Variants in AUTS2 observed in about 807,000 individuals in gnomAD.
The protein encoded by AUTS2 is autism susceptibility gene 2 protein.
Under a neutral mutation model 112.4 loss-of-function variants are expected in AUTS2, and 17 were observed. That is an observed-to-expected ratio of 0.15 (90% confidence interval 0.10 to 0.23). The LOEUF (loss-of-function observed/expected upper bound fraction) is 0.23. Ranked by LOEUF, AUTS2 falls within the 10% of genes least tolerant of loss-of-function variation. The pLI, the probability that AUTS2 is intolerant of heterozygous loss-of-function variation, is 1.00. For missense variants in AUTS2, 1,510 were observed against 1,701.6 expected (o/e 0.89, Z 1.98); for synonymous variants, 751 against 702.7 (o/e 1.07, Z -1.09).
chr7:70,276,798 A>T (rs1339791710), intron 4 of AUTS2, among the ~76,000 whole-genome samples: 1 of 152,136 alleles, frequency 6.6e-6, no homozygotes, highest in East Asian at 1.9e-4. Flanking sequence ...AGCCCCCAAA[A>T]ATCCTTATGA....
At chr7:70,011,923 C>T (rs1302194000) in intron 2 of AUTS2, among the ~76,000 whole-genome samples, 1 of 152,044 alleles carries the variant, frequency 6.6e-6, no homozygotes, top group African/African-American at 2.4e-5. Context: ...CTGGGAGCCT[C>T]CTACACAGTG....
intron 15 of AUTS2, 89 bp downstream of exon 15, chr7:70,781,845 T>C: frequency 6.6e-7 from 1 of 1,510,632 alleles, no homozygotes; most frequent in Non-Finnish European, 8.9e-7. Context: ...GAGCTGCCGC[T>C]CAGTCACCAC....
chr7:70,177,074 C>T (rs1003421683), intron 4 of AUTS2, among the ~76,000 whole-genome samples: 1 of 152,150 alleles, frequency 6.6e-6, no homozygotes, highest in African/African-American at 2.4e-5. Flanking sequence ...ATTAGAAGGT[C>T]AGACTTGATT....
intron 4 of AUTS2, among the ~76,000 whole-genome samples, chr7:70,411,935 T>C (rs1794797136): frequency 6.6e-6 from 1 of 150,956 alleles, no homozygotes; most frequent in Admixed American, 6.6e-5. Flanking sequence ...TTTTTTTTTT[T>C]TGAGACAGTC....
In AUTS2 at chr7:70,540,755, GC is replaced by G. The variant is rs773085078; in HGVS notation, c.690+104976del. On this transcript the variant is annotated intron_variant, in intron 5 of 18. Coordinates refer to ENST00000342771, the MANE Select transcript of AUTS2 (RefSeq NM_015570.4). ...CTGCAAAATCCTGACTGGTACAACT[GC>G]CAGCACATCCCTTTGACCTTGAGAA... Among the ~76,000 whole-genome samples the G allele has an allele frequency of 1.3e-4, 20 of 152,186 alleles. No individual in the cohort carries two copies. In the East Asian group the frequency reaches 3.1e-3, roughly 23 times the overall value.
chr7:70,660,829 C>T (rs1025105177), intron 5 of AUTS2, among the ~76,000 whole-genome samples: 3 of 152,174 alleles, frequency 2.0e-5, no homozygotes, highest in African/African-American at 7.2e-5. Context: ...TTGCTGTTAG[C>T]CTGCATTGTT....
At chr7:69,701,510 G>A (rs1315704516) in intron 1 of AUTS2, among the ~76,000 whole-genome samples, 7 of 152,246 alleles carry the variant, frequency 4.6e-5, no homozygotes, top group East Asian at 1.9e-4. Flanking sequence ...GCTGGTTGTC[G>A]TCATTGCCAT....
intron 1 of AUTS2, among the ~76,000 whole-genome samples, chr7:69,678,272 C>T (rs922180878): frequency 2.0e-5 from 3 of 152,056 alleles, no homozygotes; most frequent in Non-Finnish European, 4.4e-5. Context: ...GAGAGCAACA[C>T]TACTGGCATT....
In AUTS2 at chr7:69,926,450, T is replaced by TCTAC. The variant is rs1243076718; in HGVS notation, c.522+26955_522+26956insCCTA. On this transcript the variant is annotated intron_variant, in intron 2 of 18. Transcript: ENST00000342771. Reference sequence around the variant, plus strand: ...ATCTATCTGTCTGTCTGTCTGTCTATCTATCTATCTATCTATCTATCTATC... The same window carrying TCTAC: ...ATCTATCTGTCTGTCTGTCTGTCTATCTACCTATCTATCTATCTATCTATCTATC... Among the ~76,000 whole-genome samples the TCTAC allele has an allele frequency of 3.9e-3, 188 of 48,382 alleles. 3 individuals are homozygous for TCTAC. Among genetic ancestry groups the TCTAC allele is most frequent in the Non-Finnish European group, 1.2e-3 (24 of 20,842 alleles). The allele number at this position is 48,382 out of a possible 152,430, so 31.7% of individuals were successfully genotyped here.
At chr7:69,859,768 G>C (rs1792892212) in intron 1 of AUTS2, among the ~76,000 whole-genome samples, 1 of 152,144 alleles carries the variant, frequency 6.6e-6, no homozygotes, top group Non-Finnish European at 1.5e-5. Flanking sequence ...AAAATCCTCT[G>C]TTCTGTCAAG....
At chr7:69,938,980 G>A (rs1019153387) in intron 2 of AUTS2, among the ~76,000 whole-genome samples, 3 of 152,198 alleles carry the variant, frequency 2.0e-5, no homozygotes, top group Admixed American at 1.3e-4. Context: ...TGCTGATCAT[G>A]TTTTTAACTG....
chr7:70,789,058 C>T (rs1265289489), intron 18 of AUTS2, among the ~76,000 whole-genome samples: 1 of 152,176 alleles, frequency 6.6e-6, no homozygotes, highest in Non-Finnish European at 1.5e-5. Context: ...CCTGCTTTTC[C>T]TACTGCCTTC....
intron 1 of AUTS2, among the ~76,000 whole-genome samples, chr7:69,843,485 G>A (rs1032854793): frequency 6.6e-6 from 1 of 152,174 alleles, no homozygotes; most frequent in Non-Finnish European, 1.5e-5. Flanking sequence ...TGTCTGCATT[G>A]TTCAACACTG....
chr7:70,712,163 T>A (rs1810090440), intron 6 of AUTS2, among the ~76,000 whole-genome samples: 1 of 145,904 alleles, frequency 6.9e-6, no homozygotes, highest in Non-Finnish European at 1.5e-5. Flanking sequence ...AGGCTAGGAC[T>A]TACAGGCACA....
At chr7:70,279,140 A>G (rs1488884153) in intron 4 of AUTS2, among the ~76,000 whole-genome samples, 1 of 152,212 alleles carries the variant, frequency 6.6e-6, no homozygotes, top group Non-Finnish European at 1.5e-5. Flanking sequence ...TAAGCACTGA[A>G]TATCAAATTG....
chr7:69,878,402 T>C (rs1019546707), intron 1 of AUTS2, among the ~76,000 whole-genome samples: 2 of 152,190 alleles, frequency 1.3e-5, no homozygotes, highest in Admixed American at 6.5e-5. Flanking sequence ...CCTTTTCTTT[T>C]AGACTAAATG....
chr7:69,707,176 A>G (rs754098505), intron 1 of AUTS2, among the ~76,000 whole-genome samples: 1 of 152,166 alleles, frequency 6.6e-6, no homozygotes, highest in Non-Finnish European at 1.5e-5. Context: ...CAGTGGGTCC[A>G]TTGGTTAGCT....
At chr7:70,171,182 G>C (rs1808664548) in intron 4 of AUTS2, among the ~76,000 whole-genome samples, 1 of 152,172 alleles carries the variant, frequency 6.6e-6, no homozygotes, top group Non-Finnish European at 1.5e-5. Flanking sequence ...TCTTTAAAAT[G>C]GAAAGTTAGT....
chr7:69,821,640 T>A (rs1277379362), intron 1 of AUTS2, among the ~76,000 whole-genome samples: 1 of 152,158 alleles, frequency 6.6e-6, no homozygotes, highest in Non-Finnish European at 1.5e-5. Context: ...TGCAGCTTCA[T>A]TGCTGAAGTC....
Sources: gnomAD v4.1 joint callset for allele counts (sites outside exome capture counted in the v4.1 genomes callset) on GRCh38, gnomAD v4.1.1 for gene constraint, MANE v1.5 for transcripts, NCBI Gene and HGNC (gene_info 2026-07-23, HGNC 2026-07-21) for gene names.